ZBTB39: variants seen among roughly 807,000 people sequenced by gnomAD.
ZBTB39 encodes zinc finger and BTB domain-containing protein 39.
A neutral mutation model predicts 39.4 loss-of-function variants in ZBTB39; 25 were observed. The ratio of observed to expected loss-of-function variants is 0.63; its 90% CI spans 0.46 to 0.89. ZBTB39 has a LOEUF of 0.89. Among genes scored for constraint, ZBTB39 ranks in the 40% least tolerant of loss-of-function variants. The pLI is 0.00. For missense variants in ZBTB39, 891 were observed against 909.7 expected (o/e 0.98, Z 0.26); for synonymous variants, 373 against 359.6 (o/e 1.04, Z -0.42).
rs1956216598 is a variant in ZBTB39 at position 57,002,749 on chromosome 12, G to C, written c.*30C>G. 6.3e-7 allele frequency: 1 copy of C among 1,592,084 alleles called. No homozygotes were observed. Among genetic ancestry groups the C allele is most frequent in the South Asian group, 1.1e-5 (1 of 87,992 alleles). ...ATATCAGCATCCTGGCTGCTGCTTGGGAGCTCCCCGTGGCTCTGCCGGGAC... is the reference window on the plus strand; with the variant it reads ...ATATCAGCATCCTGGCTGCTGCTTGCGAGCTCCCCGTGGCTCTGCCGGGAC... On this transcript the variant is annotated 3_prime_UTR_variant, in exon 2 of 2. Transcript: ENST00000300101.
chr12:56,999,143 T>C lies in ZBTB39; in HGVS notation c.*3636A>G, dbSNP rs964568291. On this transcript the variant is annotated 3_prime_UTR_variant, in exon 2 of 2. Coordinates refer to ENST00000300101, the MANE Select transcript of ZBTB39 (RefSeq NM_014830.3). ...GTTTTAAAGAAACATCAAAATCGAG[T>C]TTCATTTTCATTCTGATGTTAAGCT... is the stretch of plus-strand genomic sequence containing the variant. 7 of 152,090 alleles carry C rather than the reference T, an allele frequency of 4.6e-5. No homozygotes were observed. Among genetic ancestry groups the C allele is most frequent in the African/African-American group, 1.7e-4 (7 of 41,352 alleles). The allele number at this position is 152,090 out of a possible 1,614,324, so 9.4% of individuals were successfully genotyped here. A position where few individuals can be genotyped will look rare whatever the true frequency, so the allele number is the denominator to read the frequency against.
In ZBTB39 at chr12:57,004,434, C is replaced by A. The variant is rs755391568; in HGVS notation, c.484G>T (p.Gly162Cys). 6.2e-7 allele frequency: 1 copy of A among 1,614,204 alleles called. No homozygotes were observed. The highest frequency in any genetic ancestry group is 1.7e-5 in the Admixed American group (1 of 60,030). The change falls in exon 2 of 2, where the codon GGT (glycine) becomes TGT (cysteine). Residue 162 changes from glycine (G) to cysteine (C), a missense_variant. By Grantham distance (159) the Gly-to-Cys change is radical. Transcript: ENST00000300101. The part of the protein sequence containing the change: ...PAHPLGELRG[G>C]GDYLGADRNY... The stretch of plus-strand genomic sequence containing the variant: ...CTATCAGCACCAAGGTAGTCCCCAC[C>A]ACCTCGGAGTTCTCCAAGGGGATGG...
chr12:57,004,442 A>G lies in ZBTB39; in HGVS notation c.476T>C (p.Leu159Pro). The G allele has an allele frequency of 2.5e-6, 4 of 1,614,078 alleles. No homozygotes were observed. Among genetic ancestry groups the G allele is most frequent in the Non-Finnish European group, 3.4e-6 (4 of 1,180,008 alleles). Residue 159 changes from leucine (L) to proline (P), a missense_variant, in exon 2 of 2, where the codon CTC (leucine) becomes CCC (proline). By Grantham distance (98) the Leu-to-Pro change is moderately conservative (BLOSUM62 -3). Transcript: ENST00000300101. ...SAEPAHPLGELRGGGDYLGAD... is the reference protein window; with the variant it reads ...SAEPAHPLGEPRGGGDYLGAD... ...ACCAAGGTAGTCCCCACCACCTCGG[A>G]GTTCTCCAAGGGGATGGGCAGGTTC... is the stretch of plus-strand genomic sequence containing the variant.
chr12:57,004,160 C>T lies in ZBTB39; in HGVS notation c.758G>A (p.Gly253Glu). ...SCQPYKVQSNGDFSKNSFLTP... is the reference protein window; with the variant it reads ...SCQPYKVQSNEDFSKNSFLTP... Reference sequence around the variant, plus strand: ...GAGGAAGCTGTTTTTACTGAAGTCTCCATTGCTTTGAACTTTGTATGGCTG... The same window carrying T: ...GAGGAAGCTGTTTTTACTGAAGTCTTCATTGCTTTGAACTTTGTATGGCTG... The change falls in exon 2 of 2, where the codon GGA becomes GAA. Residue 253 changes from glycine (G) to glutamate (E), a missense_variant. By Grantham distance (98) the Gly-to-Glu change is moderately conservative (BLOSUM62 -2). Transcript: ENST00000300101. 6 of 1,614,148 alleles carry T rather than the reference C, an allele frequency of 3.7e-6. No individual in the cohort carries two copies. Among genetic ancestry groups the T allele is most frequent in the Non-Finnish European group, 5.1e-6 (6 of 1,180,028 alleles).
At position 57,003,399 on chromosome 12, in the gene ZBTB39, C is replaced by T. The variant is rs1200145709; in HGVS notation, c.1519G>A (p.Val507Ile). ...WHTLSHLGIS[V>I]FSCSVCANSF... ...TTCGCACAGACAGAACAGGAGAAGA[C>T]TGAGATGCCGAGATGGGACAGCGTG... The change falls in exon 2 of 2, where the codon GTC becomes ATC. Residue 507 changes from valine to isoleucine, a missense_variant. By Grantham distance (29) the Val-to-Ile change is conservative (BLOSUM62 3). Transcript: ENST00000300101. The surrounding 1 kb of genome is among the most constrained non-coding windows in gnomAD (Gnocchi z 4.8). 1.2e-6 allele frequency: 2 copies of T among 1,614,194 alleles called. No homozygotes were observed. Among genetic ancestry groups the T allele is most frequent in the Non-Finnish European group, 1.7e-6 (2 of 1,180,024 alleles).
rs931277913 is a variant in ZBTB39, at chr12:57,000,586, A to G, written c.*2193T>C. The G allele has an allele frequency of 2.6e-5, 4 of 152,594 alleles. No homozygotes were observed. Among genetic ancestry groups the G allele is most frequent in the African/African-American group, 9.6e-5 (4 of 41,458 alleles). The allele number at this position is 152,594 out of a possible 1,614,324, so 9.5% of individuals were successfully genotyped here. On this transcript the variant is annotated 3_prime_UTR_variant, in exon 2 of 2. Coordinates refer to ENST00000300101, the MANE Select transcript of ZBTB39 (RefSeq NM_014830.3). ...TTGCTCATGCTTGAAAATGTAGCAG[A>G]CACTTGACTGTAGTCTGTTACACAT...
Position 57,004,090 on chromosome 12 carries a change from A to G in ZBTB39, c.828T>C (p.Cys276=). Reference sequence around the variant, plus strand: ...CTTTGGAGTGCTCACTATTGCTCAGACAGGAGTTGGTCCCAGTGGTAATGT... The same window carrying G: ...CTTTGGAGTGCTCACTATTGCTCAGGCAGGAGTTGGTCCCAGTGGTAATGT... ...AVDITTGTNS[C]LSNSEHSKDP... Residue 276 remains cysteine, a synonymous_variant, in exon 2 of 2, where the codon TGT becomes TGC. Coordinates refer to ENST00000300101, the MANE Select transcript of ZBTB39 (RefSeq NM_014830.3). 1 of 1,614,240 alleles carries G rather than the reference A, an allele frequency of 6.2e-7. No homozygotes were observed. The highest frequency in any genetic ancestry group is 1.1e-5 in the South Asian group (1 of 91,088).
Position 57,002,303 on chromosome 12 carries a change from T to A in ZBTB39, c.*476A>T, listed in dbSNP as rs147659818. On this transcript the variant is annotated 3_prime_UTR_variant, in exon 2 of 2. Coordinates refer to ENST00000300101, the MANE Select transcript of ZBTB39 (RefSeq NM_014830.3). ...CTGAGGGGACTGCCCTGCTGACCTG[T>A]CTTTTCTGAATGATCACATTCCCAA... 1,089 of 165,758 alleles carry A rather than the reference T, an allele frequency of 6.6e-3. 4 individuals carry two copies. The highest frequency in any genetic ancestry group is 0.011 in the Non-Finnish European group (839 of 75,622). The allele number at this position is 165,758 out of a possible 1,614,324, so 10.3% of individuals were successfully genotyped here. A position where few individuals can be genotyped will look rare whatever the true frequency, so the allele number is the denominator to read the frequency against.
rs181264510 is a variant in ZBTB39, at chr12:57,002,469, G to A, written c.*310C>T. On this transcript the variant is annotated 3_prime_UTR_variant, in exon 2 of 2. Transcript: ENST00000300101. ...AACCTATCAGTAAACTAAAACTAGAGAGGCTGGGGAAGGGGGTCTAGTGGA... is the reference window on the plus strand; with the variant it reads ...AACCTATCAGTAAACTAAAACTAGAAAGGCTGGGGAAGGGGGTCTAGTGGA... 2.2e-5 allele frequency: 8 copies of A among 359,020 alleles called. No homozygotes were observed. The highest frequency in any genetic ancestry group is 8.2e-5 in the African/African-American group (4 of 49,050). The allele number at this position is 359,020 out of a possible 1,614,324, so 22.2% of individuals were successfully genotyped here.
chr12:57,003,669 G>A lies in ZBTB39; in HGVS notation c.1249C>T (p.Leu417Phe), dbSNP rs1186065620. The change falls in exon 2 of 2, where the codon CTT (leucine) becomes TTT (phenylalanine). Residue 417 changes from leucine (L) to phenylalanine (F), a missense_variant. Leu to Phe is a conservative substitution (Grantham distance 22). Transcript: ENST00000300101. This position sits in a 1 kb window ranked among gnomAD's most constrained non-coding sequence, Gnocchi z 4.8. ...TKFFTQWQLT[L>F]HRRDGIFENN... ...TCAAATATTCCATCCCGTCGGTGAA[G>A]GGTCAGCTGCCACTGGGTAAAGAAC... The A allele has an allele frequency of 1.2e-6, 2 of 1,614,182 alleles. No individual in the cohort carries two copies. Among genetic ancestry groups the A allele is most frequent in the Admixed American group, 1.7e-5 (1 of 60,026 alleles).
rs1356526299 is a variant in ZBTB39, at chr12:57,003,255, A to G, written c.1663T>C (p.Tyr555His). 6.2e-7 allele frequency: 1 copy of G among 1,614,216 alleles called. No homozygotes were observed. Among genetic ancestry groups the G allele is most frequent in the South Asian group, 1.1e-5 (1 of 91,078 alleles). The change falls in exon 2 of 2, where the codon TAC becomes CAC. Residue 555 changes from tyrosine to histidine, a missense_variant. Transcript: ENST00000300101. This position sits in a 1 kb window ranked among gnomAD's most constrained non-coding sequence, Gnocchi z 4.8. The part of the protein sequence containing the change: ...QSFKSEAAYR[Y>H]HVSQHKCNSG... ...TTGCATTTGTGCTGGCTGACGTGGT[A>G]GCGATAGGCAGCCTCTGACTTGAAG...
chr12:57,002,901 G>A lies in ZBTB39; in HGVS notation c.2017C>T (p.Leu673Phe), dbSNP rs775494234. Residue 673 changes from leucine (L) to phenylalanine (F), a missense_variant, in exon 2 of 2, where the codon CTT (leucine) becomes TTT (phenylalanine). Leu to Phe is a conservative substitution (Grantham distance 22). Coordinates refer to ENST00000300101, the MANE Select transcript of ZBTB39 (RefSeq NM_014830.3). ...CTVCGHYSST[L>F]NLMSKHVGVH... is the part of the protein sequence containing the mutation. ...CCAACATGTTTGCTCATGAGGTTAA[G>A]GGTGGAACTGTAGTGCCCACAGACT... The A allele has an allele frequency of 5.0e-6, 8 of 1,614,218 alleles. No homozygotes were observed. The highest frequency in any genetic ancestry group is 6.8e-6 in the Non-Finnish European group (8 of 1,180,038).
chr12:57,003,406 G>A lies in ZBTB39; in HGVS notation c.1512C>T (p.Gly504=). The change falls in exon 2 of 2, where the codon GGC becomes GGT. Residue 504 remains glycine, a synonymous_variant. Transcript: ENST00000300101. The surrounding 1 kb of genome is among the most constrained non-coding windows in gnomAD (Gnocchi z 4.8). ...AGACAGAACAGGAGAAGACTGAGAT[G>A]CCGAGATGGGACAGCGTGTGCCACA... ...SLMWHTLSHL[G]ISVFSCSVCA... The A allele has an allele frequency of 6.2e-7, 1 of 1,614,224 alleles. No individual in the cohort carries two copies. Among genetic ancestry groups the A allele is most frequent in the South Asian group, 1.1e-5 (1 of 91,082 alleles).
Position 57,003,464 on chromosome 12 carries a change from C to T in ZBTB39, c.1454G>A (p.Cys485Tyr). Residue 485 changes from cysteine to tyrosine, a missense_variant, in exon 2 of 2, where the codon TGC becomes TAC. Coordinates refer to ENST00000300101, the MANE Select transcript of ZBTB39 (RefSeq NM_014830.3). This position sits in a 1 kb window ranked among gnomAD's most constrained non-coding sequence, Gnocchi z 4.8. ...GCAGAGGTTAAGGTGACGCTGGTCG[C>T]AGACACTGCAGGCCTGGCCCTTCAA... Reference protein sequence around the residue: ...LNLKGQACSVCDQRHLNLCSL... With the variant: ...LNLKGQACSVYDQRHLNLCSL... The T allele has an allele frequency of 1.2e-6, 2 of 1,613,610 alleles. No homozygotes were observed. Among genetic ancestry groups the T allele is most frequent in the Non-Finnish European group, 1.7e-6 (2 of 1,179,488 alleles).
Position 57,000,706 on chromosome 12 carries a change from C to A in ZBTB39, c.*2073G>T, listed in dbSNP as rs1218134871. ...ACACTGCTTTCCTGATGAGGATGTC[C>A]TCAGAGGACACTGAACAAGGTGGGT... On this transcript the variant is annotated 3_prime_UTR_variant, in exon 2 of 2. Coordinates refer to ENST00000300101, the MANE Select transcript of ZBTB39 (RefSeq NM_014830.3). 1 of 152,212 alleles carries A rather than the reference C, an allele frequency of 6.6e-6. No homozygotes were observed. Among genetic ancestry groups the A allele is most frequent in the Non-Finnish European group, 1.5e-5 (1 of 68,062 alleles). 9.4% of individuals were successfully genotyped at this position (152,212 alleles called of 1,614,324 possible).
Position 57,004,053 on chromosome 12 carries a change from C to A in ZBTB39, c.865G>T (p.Gly289Trp). ...NSEHSKDPGF[G>W]QMDELQLEDL... ...TCGAGCTGGAGCTCATCCATCTGCC[C>A]AAAGCCAGGATCTTTGGAGTGCTCA... The change falls in exon 2 of 2, where the codon GGG becomes TGG. Residue 289 changes from glycine (G) to tryptophan (W), a missense_variant. Transcript: ENST00000300101. 3.7e-6 allele frequency: 6 copies of A among 1,614,258 alleles called. No individual in the cohort carries two copies. Among genetic ancestry groups the A allele is most frequent in the Non-Finnish European group, 5.1e-6 (6 of 1,180,052 alleles).
At position 57,004,890 on chromosome 12, in the gene ZBTB39, T is replaced by C; in HGVS notation, c.28A>G (p.Thr10Ala). Reference sequence around the variant, plus strand: ...TTCAGCAGGTTGTTGGGGTGGTTGGTGCTTTGCAGTTTGATCCTCATGCCC... The same window carrying C: ...TTCAGCAGGTTGTTGGGGTGGTTGGCGCTTTGCAGTTTGATCCTCATGCCC... MGMRIKLQS[T>A]NHPNNLLKEL... The change falls in exon 2 of 2, where the codon ACC becomes GCC. Residue 10 changes from threonine (T) to alanine (A), a missense_variant. By Grantham distance (58) the Thr-to-Ala change is moderately conservative. Coordinates refer to ENST00000300101, the MANE Select transcript of ZBTB39 (RefSeq NM_014830.3). 6.2e-7 allele frequency: 1 copy of C among 1,604,954 alleles called. No individual in the cohort carries two copies. The highest frequency in any genetic ancestry group is 8.5e-7 in the Non-Finnish European group (1 of 1,173,706).
In ZBTB39 at chr12:56,999,035, T is replaced by C. The variant is rs1392503365; in HGVS notation, c.*3744A>G. ...TACTTATTAATTTAATGGAAGGAGTTAGACGTCAACAACTCTTCTCTGTTT... is the reference window on the plus strand; with the variant it reads ...TACTTATTAATTTAATGGAAGGAGTCAGACGTCAACAACTCTTCTCTGTTT... On this transcript the variant is annotated 3_prime_UTR_variant, in exon 2 of 2. Coordinates refer to ENST00000300101, the MANE Select transcript of ZBTB39 (RefSeq NM_014830.3). 6.6e-6 allele frequency: 1 copy of C among 152,640 alleles called. No homozygotes were observed. The highest frequency in any genetic ancestry group is 2.4e-5 in the African/African-American group (1 of 41,444). 9.5% of individuals were successfully genotyped at this position (152,640 alleles called of 1,614,324 possible). A position where few individuals can be genotyped will look rare whatever the true frequency, so the allele number is the denominator to read the frequency against.
Position 57,002,544 on chromosome 12 carries a change from C to A in ZBTB39, c.*235G>T. The A allele has an allele frequency of 1.9e-6, 1 of 536,824 alleles. No individual in the cohort carries two copies. The highest frequency in any genetic ancestry group is 3.3e-6 in the Non-Finnish European group (1 of 304,828). The allele number at this position is 536,824 out of a possible 1,614,324, so 33.3% of individuals were successfully genotyped here. A position where few individuals can be genotyped will look rare whatever the true frequency, so the allele number is the denominator to read the frequency against. ...AAACCAGCCTCAAAAGAATGAAAAA[C>A]ATAGCCCTGCATGGGCAAGAACAGG... On this transcript the variant is annotated 3_prime_UTR_variant, in exon 2 of 2. Transcript: ENST00000300101.
Sources: allele counts gnomAD v4.1 joint callset, GRCh38; gene constraint gnomAD v4.1.1; non-coding constraint Gnocchi (gnomAD v3.1); transcripts MANE v1.5; gene names NCBI Gene and HGNC (gene_info 2026-07-23, HGNC 2026-07-21).